The following CNBD1 variants were observed in gnomAD, a reference collection of about 807,000 sequenced individuals.
CNBD1 encodes the protein cyclic nucleotide binding domain containing 1.
Under a neutral mutation model 54.4 loss-of-function variants are expected in CNBD1, and 71 were observed. The observed-to-expected ratio is 1.30, with a 90% confidence interval of 1.08 to 1.59. The LOEUF (loss-of-function observed/expected upper bound fraction) is 1.59. CNBD1 is among the 40% of genes most tolerant of loss of function. The pLI is 0.00. For missense variants in CNBD1, 659 were observed against 518.0 expected (o/e 1.27, Z -2.64); for synonymous variants, 182 against 170.7 (o/e 1.07, Z -0.51).
rs182450971 is a variant in CNBD1 at position 86,975,798 on chromosome 8, C to A, written c.431+36044C>A. Among the ~76,000 whole-genome samples the A allele has an allele frequency of 2.0e-4, 31 of 151,826 alleles. No homozygotes were observed. In the East Asian group the frequency reaches 4.5e-3, roughly 22 times the overall value. On this transcript the variant is annotated intron_variant, in intron 4 of 10. Coordinates refer to ENST00000518476, the MANE Select transcript of CNBD1 (RefSeq NM_173538.3). ...ATTCTATTTTTAGTTTTTTGGAGAACCCTCATCTGTTTTCCAAAATGTCTG... is the reference window on the plus strand; with the variant it reads ...ATTCTATTTTTAGTTTTTTGGAGAAACCTCATCTGTTTTCCAAAATGTCTG...
chr8:86,978,421 CTAATT>C (rs1338211750), intron 4 of CNBD1, among the ~76,000 whole-genome samples: 2 of 151,084 alleles, frequency 1.3e-5, no homozygotes, highest in South Asian at 2.1e-4. Flanking sequence ...ATTTTTGTCT[CTAATT>C]TAAAGTTAAG....
chr8:87,122,916 G>T (rs1386858538), intron 4 of CNBD1, among the ~76,000 whole-genome samples: 2 of 151,752 alleles, frequency 1.3e-5, no homozygotes, highest in East Asian at 3.9e-4. Flanking sequence ...GACTGATGAT[G>T]TAGCTGTGTT....
Position 86,929,757 on chromosome 8 carries a change from G to T in CNBD1, c.273-9839G>T, listed in dbSNP as rs551119753. Among the ~76,000 whole-genome samples the T allele has an allele frequency of 7.9e-5, 12 of 152,272 alleles. No homozygotes were observed. The East Asian group carries it at 1.7e-3, about 22-fold the overall frequency. On this transcript the variant is annotated intron_variant, in intron 3 of 10. Coordinates refer to ENST00000518476, the MANE Select transcript of CNBD1 (RefSeq NM_173538.3). ...TAGTATGCCATTTACATCATGAGTA[G>T]TCTAGATGGTGAGATCCTTTCCTTG...
chr8:87,217,256 G>A (rs1814233128), intron 5 of CNBD1, among the ~76,000 whole-genome samples: 1 of 152,072 alleles, frequency 6.6e-6, no homozygotes. Flanking sequence ...GTCAAAAGAA[G>A]ATGTAAAATA....
intron 5 of CNBD1, among the ~76,000 whole-genome samples, chr8:87,229,675 T>G (rs921246837): frequency 9.8e-5 from 15 of 152,314 alleles, no homozygotes; most frequent in African/African-American, 3.6e-4. Context: ...CCATTTACAA[T>G]GTTAAATTTT....
intron 4 of CNBD1, among the ~76,000 whole-genome samples, chr8:87,145,540 A>G (rs1812466445): frequency 6.6e-6 from 1 of 152,212 alleles, no homozygotes; most frequent in Non-Finnish European, 1.5e-5. Context: ...CTGTTTGTAT[A>G]AAGTAATAAT....
At chr8:87,111,467 TA>T (rs1416622634) in intron 4 of CNBD1, among the ~76,000 whole-genome samples, 4 of 152,212 alleles carry the variant, frequency 2.6e-5, no homozygotes, top group Non-Finnish European at 5.9e-5. Context: ...AGTGTGTACT[TA>T]CCTTGTTGCA....
intron 4 of CNBD1, among the ~76,000 whole-genome samples, chr8:87,152,625 C>T (rs1812631285): frequency 6.6e-6 from 1 of 152,058 alleles, no homozygotes; most frequent in South Asian, 2.1e-4. Flanking sequence ...AACTCCCAAG[C>T]CCTCTTGATA....
intron 3 of CNBD1, among the ~76,000 whole-genome samples, chr8:86,922,047 C>A (rs946695205): frequency 5.3e-5 from 8 of 151,936 alleles, no homozygotes; most frequent in African/African-American, 1.9e-4. Context: ...AGGAGGCTTT[C>A]TTGAGGAAGG....
At chr8:87,386,590 A>G (rs1010216893), downstream of CNBD1, among the ~76,000 whole-genome samples, 2 of 152,200 alleles carry the variant, frequency 1.3e-5, no homozygotes, top group Non-Finnish European at 2.9e-5. Context: ...AAAGCCTCCA[A>G]GAAATATGGG....
intron 8 of CNBD1, among the ~76,000 whole-genome samples, chr8:87,292,828 C>A (rs1808811745): frequency 6.6e-6 from 1 of 152,134 alleles, no homozygotes; most frequent in Non-Finnish European, 1.5e-5. Context: ...TTCTAAAGTT[C>A]ATCCCCTGTT....
At chr8:87,054,307 A>G (rs1586225381) in intron 4 of CNBD1, among the ~76,000 whole-genome samples, 1 of 152,206 alleles carries the variant, frequency 6.6e-6, no homozygotes, top group Non-Finnish European at 1.5e-5. Context: ...CCCACAAGAA[A>G]AAAATAATCC....
intron 2 of CNBD1, among the ~76,000 whole-genome samples, chr8:87,410,596 A>G (rs140379911): frequency 6.6e-5 from 10 of 152,314 alleles, no homozygotes; most frequent in African/African-American, 2.4e-4. Context: ...CAAAAAATTT[A>G]GAATATTACA....
chr8:86,949,346 G>A (rs1450810503), intron 4 of CNBD1, among the ~76,000 whole-genome samples: 1 of 152,046 alleles, frequency 6.6e-6, no homozygotes, highest in Admixed American at 6.6e-5. Context: ...TGGGTAGTAA[G>A]GACATCTTAA....
chr8:87,395,277 T>C (rs900678503), intron 2 of CNBD1, among the ~76,000 whole-genome samples: 4 of 151,916 alleles, frequency 2.6e-5, no homozygotes, highest in Non-Finnish European at 5.9e-5. Context: ...GCTTCCTGTA[T>C]GCTTGTGATA....
chr8:87,423,767 G>A (rs1192454946), intron 2 of CNBD1, among the ~76,000 whole-genome samples: 1 of 151,900 alleles, frequency 6.6e-6, no homozygotes, highest in Admixed American at 6.5e-5. Flanking sequence ...CCCGGCTTTT[G>A]TATCAGAATG....
intron 8 of CNBD1, among the ~76,000 whole-genome samples, chr8:87,334,785 G>T (rs1032572252): frequency 5.4e-5 from 8 of 149,140 alleles, no homozygotes; most frequent in South Asian, 2.1e-4. Context: ...GTGCAGTGGC[G>T]CAATCTCAGC....
At position 87,083,703 on chromosome 8, in the gene CNBD1, C is replaced by G. The variant is rs535076546; in HGVS notation, c.432-122290C>G. On this transcript the variant is annotated intron_variant, in intron 4 of 10. Transcript: ENST00000518476. ...TCCCGGGTTCACTCCATTCTCCTGC[C>G]TCAGCCTCCCAAGTAGCTGGGACTA... 2.3e-3 allele frequency among the ~76,000 whole-genome samples: 345 copies of G among 151,696 alleles called. 1 individual carries two copies. Among genetic ancestry groups the G allele is most frequent in the African/African-American group, 7.8e-3 (323 of 41,322 alleles).
intron 8 of CNBD1, among the ~76,000 whole-genome samples, chr8:87,334,989 G>A (rs772694177): frequency 6.6e-6 from 1 of 152,032 alleles, no homozygotes; most frequent in Non-Finnish European, 1.5e-5. Context: ...CTCCCAAAGT[G>A]CTGGGATTAC....
Sources: allele counts gnomAD v4.1 joint callset (sites outside exome capture counted in the v4.1 genomes callset), GRCh38; gene constraint gnomAD v4.1.1; transcripts MANE v1.5; gene names NCBI Gene and HGNC (gene_info 2026-07-23, HGNC 2026-07-21).